Variants in KIF26B observed in about 807,000 individuals in gnomAD.
KIF26B encodes kinesin family member 26B.
KIF26B carries 63 observed loss-of-function variants against 151.2 expected under a neutral mutation model. That is an observed-to-expected ratio of 0.42 (90% confidence interval 0.34 to 0.51). The LOEUF (loss-of-function observed/expected upper bound fraction) is 0.51. KIF26B is among the 20% of genes least tolerant of loss of function. The pLI, the probability that KIF26B is intolerant of heterozygous loss-of-function variation, is 0.07. For synonymous variants in KIF26B, 1,357 were observed against 1,262.1 expected (o/e 1.08, Z -1.59); for missense variants, 2,813 against 2,913.6 (o/e 0.97, Z 0.79).
At chr1:245,517,595 G>A (rs1018851421) in intron 4 of KIF26B, among the ~76,000 whole-genome samples, 2 of 152,192 alleles carry the variant, frequency 1.3e-5, no homozygotes, top group Admixed American at 1.3e-4. Context: ...TATAGGTGCT[G>A]TGTAAAGTTT....
intron 10 of KIF26B, among the ~76,000 whole-genome samples, chr1:245,664,845 G>A (rs6683009): frequency 0.12 from 18,149 of 151,970 alleles, 1,212 homozygotes; most frequent in African/African-American, 0.16. Flanking sequence ...ATGTCAGGGC[G>A]TTTTTCTCCT....
intron 10 of KIF26B, among the ~76,000 whole-genome samples, chr1:245,680,377 GT>G (rs1340686115): frequency 2.0e-5 from 3 of 152,170 alleles, no homozygotes; most frequent in Non-Finnish European, 4.4e-5. Context: ...TAAAATGCCG[GT>G]TGCTAAGCAG....
chr1:245,221,813 TA>T (rs1278979997), intron 2 of KIF26B, among the ~76,000 whole-genome samples: 1 of 152,224 alleles, frequency 6.6e-6, no homozygotes, highest in Non-Finnish European at 1.5e-5. Flanking sequence ...AGTTTTGAAG[TA>T]AAATTTTAAA....
chr1:245,607,634 C>G lies in KIF26B; in HGVS notation c.1558-17C>G. 1 of 1,594,906 alleles carries G rather than the reference C, an allele frequency of 6.3e-7. No individual in the cohort carries two copies. Among genetic ancestry groups the G allele is most frequent in the Non-Finnish European group, 8.5e-7 (1 of 1,170,296 alleles). On this transcript the variant is annotated splice_polypyrimidine_tract_variant and intron_variant, in intron 6 of 14. Transcript: ENST00000407071. ...CGAGGTCCATTCACGGCTCGTGTCT[C>G]CTCTTGTGTCTGACAGGCTGAAGTG... is the stretch of plus-strand genomic sequence containing the variant.
rs181763626 is a variant in KIF26B, at chr1:245,678,227, G to C, written c.2259-6006G>C. 5.3e-3 allele frequency among the ~76,000 whole-genome samples: 812 copies of C among 152,160 alleles called. 3 individuals carry two copies. The highest frequency in any genetic ancestry group is 9.7e-3 in the Non-Finnish European group (658 of 67,978). On this transcript the variant is annotated intron_variant, in intron 10 of 14. Transcript: ENST00000407071. ...GCTTCCTTCTCCTCTTCACTCTGCA[G>C]CCGCCTCTTGGTGGTCAGAGGGTGA...
At chr1:245,430,623 C>T (rs1427862601) in intron 4 of KIF26B, among the ~76,000 whole-genome samples, 1 of 152,102 alleles carries the variant, frequency 6.6e-6, no homozygotes, top group African/African-American at 2.4e-5. Context: ...GCTACGATCT[C>T]ACCAGGGCAC....
chr1:245,631,496 G>A (rs894054285), intron 9 of KIF26B, among the ~76,000 whole-genome samples: 1 of 152,108 alleles, frequency 6.6e-6, no homozygotes, highest in African/African-American at 2.4e-5. Context: ...GGTGTATTAT[G>A]TTATTGGTGT....
intron 2 of KIF26B, among the ~76,000 whole-genome samples, chr1:245,173,888 G>C (rs927737746): frequency 6.6e-6 from 1 of 152,170 alleles, no homozygotes; most frequent in East Asian, 1.9e-4. Flanking sequence ...CCAGACCCAC[G>C]CTGCTCTGTT....
intron 4 of KIF26B, among the ~76,000 whole-genome samples, chr1:245,498,288 C>A (rs532239862): frequency 2.6e-5 from 4 of 152,144 alleles, no homozygotes; most frequent in Non-Finnish European, 5.9e-5. Context: ...ACCTCAGGGG[C>A]AACTCAGGTG....
intron 12 of KIF26B, among the ~76,000 whole-genome samples, chr1:245,696,054 C>T (rs139757946): frequency 1.7e-3 from 266 of 152,374 alleles, no homozygotes; most frequent in African/African-American, 5.7e-3. Context: ...ATCCCATCCG[C>T]GGTAGCCAGG....
chr1:245,698,943 C>T lies in KIF26B; in HGVS notation c.6084C>T (p.Ile2028=), dbSNP rs776011235. The T allele has an allele frequency of 1.6e-5, 26 of 1,613,890 alleles. No individual in the cohort carries two copies. The highest frequency in any genetic ancestry group is 1.5e-4 in the African/African-American group (11 of 74,918). Reference sequence around the variant, plus strand: ...TTCTGGAACACCGCCAGCAGAGGATCGCCGAGGTCCGCGCGAAGTACGAGT... The same window carrying T: ...TTCTGGAACACCGCCAGCAGAGGATTGCCGAGGTCCGCGCGAAGTACGAGT... ...LKILEHRQQR[I]AEVRAKYEWL... Residue 2028 remains isoleucine (I), a synonymous_variant, in exon 14 of 15, where the codon ATC becomes ATT. Transcript: ENST00000407071. This position sits in a 1 kb window ranked among gnomAD's most constrained non-coding sequence, Gnocchi z 4.0.
At chr1:245,490,547 G>A (rs61829898) in intron 4 of KIF26B, among the ~76,000 whole-genome samples, 194 of 152,050 alleles carry the variant, frequency 1.3e-3, no homozygotes, top group Non-Finnish European at 2.3e-3. Context: ...TCCTGACCTC[G>A]TGATCCACCC....
chr1:245,193,216 A>G (rs896009637), intron 2 of KIF26B, among the ~76,000 whole-genome samples: 1 of 152,234 alleles, frequency 6.6e-6, no homozygotes, highest in Non-Finnish European at 1.5e-5. Context: ...TGCAAAAGAC[A>G]TGATCTTGGC....
chr1:245,374,965 G>C (rs1443379896), intron 3 of KIF26B, among the ~76,000 whole-genome samples: 1 of 152,080 alleles, frequency 6.6e-6, no homozygotes. Flanking sequence ...CTGAATAGGG[G>C]CCCCCCAACG....
At chr1:245,329,550 G>A (rs1216071014) in intron 2 of KIF26B, among the ~76,000 whole-genome samples, 1 of 152,186 alleles carries the variant, frequency 6.6e-6, no homozygotes, top group Non-Finnish European at 1.5e-5. Context: ...GGAAGGACAG[G>A]GTCCAGACCC....
At chr1:245,470,102 T>G (rs755807373) in intron 4 of KIF26B, among the ~76,000 whole-genome samples, 67 of 152,148 alleles carry the variant, frequency 4.4e-4, no homozygotes, top group Non-Finnish European at 6.8e-4. Flanking sequence ...CCACACACAC[T>G]GATTGTTCAG....
intron 4 of KIF26B, among the ~76,000 whole-genome samples, chr1:245,443,764 T>C (rs1420274746): frequency 1.1e-5 from 1 of 93,044 alleles, no homozygotes; most frequent in African/African-American, 3.9e-5. Flanking sequence ...AGAGGTCATC[T>C]CCCTCACTGT....
At chr1:245,666,367 T>C (rs2147937483) in intron 10 of KIF26B, among the ~76,000 whole-genome samples, 1 of 152,302 alleles carries the variant, frequency 6.6e-6, no homozygotes, top group Admixed American at 6.5e-5. Flanking sequence ...TAACTACTTG[T>C]ATTTTGAATA....
rs1263044659 is a variant in KIF26B at position 245,569,877 on chromosome 1, T to A, written c.1350+28927T>A. ...TTGGGCCTTCTTTTTTTTTTTTTTT[T>A]AATGATCACTTATCTTTCCCTTGAG... is the stretch of plus-strand genomic sequence containing the variant. On this transcript the variant is annotated intron_variant, in intron 5 of 14. Coordinates refer to ENST00000407071, the MANE Select transcript of KIF26B (RefSeq NM_018012.4). 5.5e-5 allele frequency among the ~76,000 whole-genome samples: 7 copies of A among 127,004 alleles called. 1 individual carries two copies. The highest frequency in any genetic ancestry group is 1.2e-4 in the Non-Finnish European group (7 of 60,376). 83.3% of individuals were successfully genotyped at this position (127,004 alleles called of 152,430 possible). A position where few individuals can be genotyped will look rare whatever the true frequency, so the allele number is the denominator to read the frequency against.
Sources: allele counts gnomAD v4.1 joint callset (sites outside exome capture counted in the v4.1 genomes callset), GRCh38; gene constraint gnomAD v4.1.1; non-coding constraint Gnocchi (gnomAD v3.1); transcripts MANE v1.5; gene names NCBI Gene and HGNC (gene_info 2026-07-23, HGNC 2026-07-21).